Variants in ZFPM2 observed in about 807,000 individuals in gnomAD.
ZFPM2 encodes zinc finger protein ZFPM2.
Under a neutral mutation model 98.6 loss-of-function variants are expected in ZFPM2, and 20 were observed. The ratio of observed to expected loss-of-function variants is 0.20; its 90% CI spans 0.14 to 0.29. The LOEUF (loss-of-function observed/expected upper bound fraction) is 0.29. Ranked by LOEUF, ZFPM2 falls within the 10% of genes least tolerant of loss-of-function variation. The pLI is 1.00. For missense variants in ZFPM2, 1,310 were observed against 1,388.6 expected (o/e 0.94, Z 0.90); for synonymous variants, 518 against 502.7 (o/e 1.03, Z -0.41).
intron 3 of ZFPM2, among the ~76,000 whole-genome samples, chr8:105,560,180 A>G (rs1329812480): frequency 2.6e-5 from 2 of 77,232 alleles, no homozygotes; most frequent in Non-Finnish European, 4.4e-5. Flanking sequence ...AAAAAAAAAA[A>G]AAAAAAAGAA....
At chr8:105,583,630 G>A (rs571912664) in intron 4 of ZFPM2, among the ~76,000 whole-genome samples, 2 of 152,132 alleles carry the variant, frequency 1.3e-5, no homozygotes, top group African/African-American at 2.4e-5. Flanking sequence ...TTTTTCCTGA[G>A]TACTCAGATG....
intron 1 of ZFPM2, among the ~76,000 whole-genome samples, chr8:105,359,390 T>G (rs71522735): frequency 6.7e-6 from 1 of 149,332 alleles, no homozygotes; most frequent in Non-Finnish European, 1.5e-5. Context: ...TTTGTTGTTG[T>G]TTTGAGACAG....
At chr8:105,561,756 G>T (rs1488864599) in intron 4 of ZFPM2, among the ~76,000 whole-genome samples, 2 of 152,156 alleles carry the variant, frequency 1.3e-5, no homozygotes, top group African/African-American at 4.8e-5. Context: ...GCCAGACCAA[G>T]ACTGTTCACA....
chr8:105,698,936 T>C (rs1358786489), intron 5 of ZFPM2, among the ~76,000 whole-genome samples: 1 of 152,170 alleles, frequency 6.6e-6, no homozygotes, highest in Non-Finnish European at 1.5e-5. Context: ...CTTGCTATAT[T>C]CTTTTGAGGG....
intron 1 of ZFPM2, among the ~76,000 whole-genome samples, chr8:105,381,585 C>T (rs1359891780): frequency 6.6e-6 from 1 of 152,036 alleles, no homozygotes; most frequent in Non-Finnish European, 1.5e-5. Context: ...CCCATAGTTC[C>T]CTCATTGCAG....
intron 5 of ZFPM2, among the ~76,000 whole-genome samples, chr8:105,747,039 T>A (rs1245369595): frequency 1.3e-5 from 2 of 152,116 alleles, no homozygotes; most frequent in Non-Finnish European, 2.9e-5. Flanking sequence ...ATTAAGTATT[T>A]TTTTTCTTAT....
At chr8:105,774,904 G>A (rs1395294219) in intron 5 of ZFPM2, among the ~76,000 whole-genome samples, 6 of 151,954 alleles carry the variant, frequency 3.9e-5, no homozygotes, top group Non-Finnish European at 5.9e-5. Flanking sequence ...TGAGGGGGAC[G>A]CGAAGATGGA....
chr8:105,542,166 TAGTG>T lies in ZFPM2; in HGVS notation c.302-19193_302-19190del, dbSNP rs150760948. 2.0e-3 allele frequency among the ~76,000 whole-genome samples: 298 copies of T among 152,284 alleles called. 1 individual carries two copies. The highest frequency in any genetic ancestry group is 6.7e-3 in the African/African-American group (279 of 41,572). On this transcript the variant is annotated intron_variant, in intron 3 of 7. Coordinates refer to ENST00000407775, the MANE Select transcript of ZFPM2 (RefSeq NM_012082.4). ...GCTTTGTAATTAATTTATTGATTGA[TAGTG>T]AGTAAAAATATCGTAATGTTCTACA...
intron 5 of ZFPM2, among the ~76,000 whole-genome samples, chr8:105,773,387 A>G (rs1216548785): frequency 6.6e-6 from 1 of 152,158 alleles, no homozygotes; most frequent in East Asian, 1.9e-4. Context: ...TCCATATTTT[A>G]GAATAGACCA....
chr8:105,728,734 G>A (rs947627784), intron 5 of ZFPM2, among the ~76,000 whole-genome samples: 2 of 151,728 alleles, frequency 1.3e-5, no homozygotes, highest in African/African-American at 4.8e-5. Context: ...TATTTAAATA[G>A]AGTCTTCAAA....
chr8:105,693,443 A>C (rs983354216), intron 5 of ZFPM2, among the ~76,000 whole-genome samples: 1 of 152,212 alleles, frequency 6.6e-6, no homozygotes, highest in Non-Finnish European at 1.5e-5. Context: ...GTTAATGCTG[A>C]GGTCTCAGCC....
chr8:105,669,535 CATGTGT>C lies in ZFPM2; in HGVS notation c.532+35179_532+35184del, dbSNP rs1013700426. On this transcript the variant is annotated intron_variant, in intron 5 of 7. Transcript: ENST00000407775. ...GTCTCTATTTTAAGCTGAAAGTGTG[CATGTGT>C]GTGTGTGTGTGTGTGTGTGTGTGTA... Among the ~76,000 whole-genome samples the C allele has an allele frequency of 1.3e-3, 164 of 130,900 alleles. 3 individuals carry two copies. The South Asian group carries it at 0.032, about 25-fold the overall frequency. The allele number at this position is 130,900 out of a possible 152,430, so 85.9% of individuals were successfully genotyped here. A position where few individuals can be genotyped will look rare whatever the true frequency, so the allele number is the denominator to read the frequency against.
chr8:105,457,091 A>G (rs997129930), intron 3 of ZFPM2, among the ~76,000 whole-genome samples: 1 of 152,208 alleles, frequency 6.6e-6, no homozygotes, highest in African/African-American at 2.4e-5. Flanking sequence ...AAATTATATA[A>G]TATACATTTG....
chr8:105,557,137 A>G (rs1010218799), intron 3 of ZFPM2, among the ~76,000 whole-genome samples: 67 of 152,080 alleles, frequency 4.4e-4, no homozygotes, highest in African/African-American at 1.5e-3. Context: ...TTTCTTTTCT[A>G]TGTCTCTTGC....
intron 5 of ZFPM2, among the ~76,000 whole-genome samples, chr8:105,654,310 C>T (rs1817241932): frequency 1.3e-5 from 2 of 152,202 alleles, no homozygotes; most frequent in Non-Finnish European, 2.9e-5. Flanking sequence ...GCTCTCTGTC[C>T]TGTCAAAAGG....
chr8:105,546,435 G>A (rs1047324543), intron 3 of ZFPM2, among the ~76,000 whole-genome samples: 2 of 151,740 alleles, frequency 1.3e-5, no homozygotes, highest in African/African-American at 4.8e-5. Context: ...CGGGCGTGGT[G>A]GTGCATGCCT....
At chr8:105,596,966 A>G (rs1026200891) in intron 4 of ZFPM2, among the ~76,000 whole-genome samples, 2 of 151,672 alleles carry the variant, frequency 1.3e-5, no homozygotes, top group African/African-American at 4.8e-5. Flanking sequence ...TTTTTTGTAA[A>G]GTAGAATTGA....
chr8:105,443,326 CA>C lies in ZFPM2; in HGVS notation c.200-941del, dbSNP rs60238590. Among the ~76,000 whole-genome samples, 341 of 122,482 alleles carry C rather than the reference CA, an allele frequency of 2.8e-3. 8 individuals are homozygous for C. The highest frequency in any genetic ancestry group is 4.1e-3 in the Non-Finnish European group (249 of 60,334). The allele number at this position is 122,482 out of a possible 152,430, so 80.4% of individuals were successfully genotyped here. On this transcript the variant is annotated intron_variant, in intron 2 of 7. Transcript: ENST00000407775. The stretch of plus-strand genomic sequence containing the variant: ...AGACTCCTTCTCAAAAAACAAAAAA[CA>C]AAAAAAAAAAAACTTGGCATTATTA...
chr8:105,398,643 T>C (rs1209333735), intron 1 of ZFPM2, among the ~76,000 whole-genome samples: 4 of 152,120 alleles, frequency 2.6e-5, no homozygotes, highest in Non-Finnish European at 4.4e-5. Flanking sequence ...CAGTTCACAC[T>C]AGGGTTCATG....
Sources: allele counts gnomAD v4.1 joint callset (sites outside exome capture counted in the v4.1 genomes callset), GRCh38; gene constraint gnomAD v4.1.1; transcripts MANE v1.5; gene names NCBI Gene and HGNC (gene_info 2026-07-23, HGNC 2026-07-21).